The following B3GAT1 variants were observed in gnomAD, a reference collection of about 807,000 sequenced individuals.
The protein encoded by B3GAT1 is galactosylgalactosylxylosylprotein 3-beta-glucuronosyltransferase 1.
A neutral mutation model predicts 28.4 loss-of-function variants in B3GAT1; 11 were observed. That is an observed-to-expected ratio of 0.39 (90% CI 0.24 to 0.64). B3GAT1 has a LOEUF of 0.64. B3GAT1 is among the 30% of genes least tolerant of loss of function. B3GAT1 has a pLI of 0.50. For synonymous variants in B3GAT1, 255 were observed against 223.1 expected, an observed-to-expected ratio of 1.14 and a Z score of -1.27; for missense variants, 375 against 491.0, an observed-to-expected ratio of 0.76 and a Z score of 2.23.
At chr11:134,402,298 T>G (rs1944632045) in intron 1 of B3GAT1, among the ~76,000 whole-genome samples, 1 of 152,174 alleles carries the variant, frequency 6.6e-6, no homozygotes, top group Admixed American at 6.5e-5. Context: ...CCTGTGTCTC[T>G]GCCCAGCTTC....
In B3GAT1 at chr11:134,379,221, G is replaced by A. The variant is rs1944073664; in HGVS notation, c.*1541C>T. 6.6e-6 allele frequency: 1 copy of A among 152,220 alleles called. No homozygotes were observed. Among genetic ancestry groups the A allele is most frequent in the African/African-American group, 2.4e-5 (1 of 41,442 alleles). The allele number at this position is 152,220 out of a possible 1,614,324, so 9.4% of individuals were successfully genotyped here. Reference sequence around the variant, plus strand: ...ATTCTGAATGTTAGGTCTCTGGACTGAGTCCCACCCACCCACCCACTCAGG... The same window carrying A: ...ATTCTGAATGTTAGGTCTCTGGACTAAGTCCCACCCACCCACCCACTCAGG... On this transcript the variant is annotated 3_prime_UTR_variant, in exon 6 of 6. Coordinates refer to ENST00000312527, the MANE Select transcript of B3GAT1 (RefSeq NM_054025.3).
chr11:134,401,310 G>A (rs1264203789), intron 1 of B3GAT1, among the ~76,000 whole-genome samples: 1 of 152,208 alleles, frequency 6.6e-6, no homozygotes, highest in Non-Finnish European at 1.5e-5. Context: ...TTCATAACAG[G>A]GAACTGATGG....
intron 1 of B3GAT1, among the ~76,000 whole-genome samples, chr11:134,409,458 T>C (rs11824649): frequency 0.2 from 30,650 of 151,966 alleles, 3,927 homozygotes; most frequent in African/African-American, 0.36. Context: ...CTCAGCATTG[T>C]GAGATGCTCA....
At chr11:134,383,567 C>A (rs1231920373) in intron 3 of B3GAT1, 113 bp downstream of exon 3, 1 of 1,368,564 alleles carries the variant, frequency 7.3e-7, no homozygotes, top group East Asian at 2.6e-5. Flanking sequence ...GCTCCCAGCC[C>A]GGCTTCCCGG....
chr11:134,408,083 C>T (rs1191111394), intron 1 of B3GAT1, among the ~76,000 whole-genome samples: 4 of 152,208 alleles, frequency 2.6e-5, no homozygotes, highest in Non-Finnish European at 5.9e-5. Flanking sequence ...TGAGCCAAGG[C>T]GGGCTCTGGG....
chr11:134,380,358 G>C lies in B3GAT1; in HGVS notation c.*404C>G, dbSNP rs923304536. On this transcript the variant is annotated 3_prime_UTR_variant, in exon 6 of 6. Coordinates refer to ENST00000312527, the MANE Select transcript of B3GAT1 (RefSeq NM_054025.3). ...GGGACAGGGAGCCAGGGAGGGCCAT[G>C]CTCCACTTGACTGCGGGGTCTTCTT... is the stretch of plus-strand genomic sequence containing the variant. 2 of 152,196 alleles carry C rather than the reference G, an allele frequency of 1.3e-5. No homozygotes were observed. The highest frequency in any genetic ancestry group is 4.8e-5 in the African/African-American group (2 of 41,420). The allele number at this position is 152,196 out of a possible 1,614,324, so 9.4% of individuals were successfully genotyped here.
In B3GAT1 at chr11:134,387,797, A is replaced by G. The variant is rs1944325224; in HGVS notation, c.-138T>C. ...GGCCGGCCAGGCATGGAGAGGACAG[A>G]GCAGCTGAATGTTGGCTAGCAGGTC... is the stretch of plus-strand genomic sequence containing the variant. On this transcript the variant is annotated 5_prime_UTR_variant, in exon 2 of 6. Transcript: ENST00000312527. 3 of 1,538,532 alleles carry G rather than the reference A, an allele frequency of 1.9e-6. No homozygotes were observed. The African/African-American group carries it at 4.1e-5, about 21-fold the overall frequency.
At chr11:134,398,466 C>G (rs976621307) in intron 1 of B3GAT1, among the ~76,000 whole-genome samples, 1 of 150,760 alleles carries the variant, frequency 6.6e-6, no homozygotes, top group Non-Finnish European at 1.5e-5. Context: ...ACAGCTCACA[C>G]GCAGTACTGA....
Position 134,404,031 on chromosome 11 carries a change from T to TA in B3GAT1, c.-282+7775_-282+7776insT, listed in dbSNP as rs1565459472. Among the ~76,000 whole-genome samples the TA allele has an allele frequency of 1.5e-3, 140 of 90,364 alleles. 5 individuals carry two copies. The highest frequency in any genetic ancestry group is 4.2e-3 in the African/African-American group (98 of 23,506). 59.3% of individuals were successfully genotyped at this position (90,364 alleles called of 152,430 possible). A position where few individuals can be genotyped will look rare whatever the true frequency, so the allele number is the denominator to read the frequency against. Reference sequence around the variant, plus strand: ...TATATATATATATATATATATATATTTATTATACGTTAAGTTCTAGGGTAC... The same window carrying TA: ...TATATATATATATATATATATATATTATATTATACGTTAAGTTCTAGGGTAC... On this transcript the variant is annotated intron_variant, in intron 1 of 5. Coordinates refer to ENST00000312527, the MANE Select transcript of B3GAT1 (RefSeq NM_054025.3).
chr11:134,405,400 C>T (rs1380472796), intron 1 of B3GAT1, among the ~76,000 whole-genome samples: 4 of 152,216 alleles, frequency 2.6e-5, no homozygotes, highest in Non-Finnish European at 5.9e-5. Flanking sequence ...TGGTGAGGTC[C>T]TGTGGTCAGG....
At chr11:134,388,157 T>C (rs1430598626) in intron 1 of B3GAT1, 3 of 343,408 alleles carry the variant, frequency 8.7e-6, no homozygotes, top group Non-Finnish European at 1.7e-5. Context: ...TTTATGAAAG[T>C]CAGTAGGGTG....
intron 1 of B3GAT1, among the ~76,000 whole-genome samples, chr11:134,397,335 C>T (rs1944524606): frequency 6.6e-6 from 1 of 152,220 alleles, no homozygotes; most frequent in African/African-American, 2.4e-5. Context: ...ACGTACCCAG[C>T]CTGGCACTCA....
At chr11:134,402,693 A>G (rs938606586) in intron 1 of B3GAT1, among the ~76,000 whole-genome samples, 1 of 152,160 alleles carries the variant, frequency 6.6e-6, no homozygotes, top group African/African-American at 2.4e-5. Flanking sequence ...TGGGTGGATC[A>G]CTTGAGGTCA....
At chr11:134,384,248 G>C (rs748418876) in intron 2 of B3GAT1, 60 bp from the exon 3 acceptor site, 15 of 1,486,328 alleles carry the variant, frequency 1.0e-5, no homozygotes, top group Non-Finnish European at 1.2e-5. Context: ...CCTGGATTCA[G>C]AGCGGGACGC....
intron 1 of B3GAT1, among the ~76,000 whole-genome samples, chr11:134,407,348 C>A (rs1944754001): frequency 6.6e-6 from 1 of 152,224 alleles, no homozygotes; most frequent in Admixed American, 6.5e-5. Context: ...AGAGCCAGGC[C>A]TCCAACTACA....
Position 134,382,815 on chromosome 11 carries a change from G to A in B3GAT1, c.813C>T (p.Ala271=). ...NLRLILQRSQ[A]YFKLRGVKGG... ...CCTTCACACCTCGCAGCTTGAAGTA[G>A]GCCTGGCTTCGCTGCAGAATGAGCC... is the stretch of plus-strand genomic sequence containing the variant. The change falls in exon 4 of 6, where the codon GCC becomes GCT. Residue 271 remains alanine (A), a synonymous_variant. Transcript: ENST00000312527. 1.9e-6 allele frequency: 3 copies of A among 1,614,204 alleles called. No homozygotes were observed. The highest frequency in any genetic ancestry group is 1.7e-6 in the Non-Finnish European group (2 of 1,180,036).
rs961328632 is a variant in B3GAT1, at chr11:134,411,187, C to G, written c.-282+620G>C. On this transcript the variant is annotated intron_variant, in intron 1 of 5. Coordinates refer to ENST00000312527, the MANE Select transcript of B3GAT1 (RefSeq NM_054025.3). The surrounding 1 kb of genome is among the most constrained non-coding windows in gnomAD (Gnocchi z 6.0). ...TTTTTCTGGAAGTTGTGTGCTCTGACTTTGGAGGGATTGGGACCTCAGACC... is the reference window on the plus strand; with the variant it reads ...TTTTTCTGGAAGTTGTGTGCTCTGAGTTTGGAGGGATTGGGACCTCAGACC... Among the ~76,000 whole-genome samples the G allele has an allele frequency of 1.3e-5, 2 of 152,152 alleles. No individual in the cohort carries two copies. The highest frequency in any genetic ancestry group is 2.9e-5 in the Non-Finnish European group (2 of 68,016).
chr11:134,400,865 T>C (rs1944599998), intron 1 of B3GAT1, among the ~76,000 whole-genome samples: 1 of 152,138 alleles, frequency 6.6e-6, no homozygotes, highest in African/African-American at 2.4e-5. Context: ...AGGTCTAACA[T>C]CCAGAACCTA....
chr11:134,386,733 T>G (rs1405913405), intron 2 of B3GAT1: 1 of 152,230 alleles, frequency 6.6e-6, no homozygotes, highest in East Asian at 1.9e-4. Context: ...ATGGTCGCTT[T>G]CCTTGCATGT....
Sources: allele counts gnomAD v4.1 joint callset (sites outside exome capture counted in the v4.1 genomes callset), GRCh38; gene constraint gnomAD v4.1.1; non-coding constraint Gnocchi (gnomAD v3.1); transcripts MANE v1.5; gene names NCBI Gene and HGNC (gene_info 2026-07-23, HGNC 2026-07-21).